NEB: variants seen among roughly 807,000 people sequenced by gnomAD.
NEB encodes nemaline myopathy type 2.
NEB carries 512 observed loss-of-function variants against 952.2 expected under a neutral mutation model. The observed-to-expected ratio is 0.54, with a 90% CI of 0.50 to 0.58. The LOEUF (loss-of-function observed/expected upper bound fraction) is 0.58. Ranked by LOEUF, NEB falls within the 20% of genes least tolerant of loss-of-function variation. The pLI, the probability that NEB is intolerant of heterozygous loss-of-function variation, is 0.00. For synonymous variants in NEB, 2,900 were observed against 3,149.8 expected, an observed-to-expected ratio of 0.92 and a Z score of 2.66; for missense variants, 8,428 against 9,231.1, an observed-to-expected ratio of 0.91 and a Z score of 3.56.
intron 32 of NEB, among the ~76,000 whole-genome samples, chr2:151,679,205 C>A (rs2148560745): frequency 6.6e-6 from 1 of 152,152 alleles, no homozygotes; most frequent in Middle Eastern, 3.4e-3. Context: ...AGCAAAATGA[C>A]TTCAGTTCAC....
chr2:151,639,003 A>G (rs1002844400), intron 63 of NEB, among the ~76,000 whole-genome samples: 1 of 152,194 alleles, frequency 6.6e-6, no homozygotes, highest in African/African-American at 2.4e-5. Context: ...GTCAATTGCT[A>G]ATATCCTAAC....
intron 71 of NEB, among the ~76,000 whole-genome samples, chr2:151,624,909 A>C (rs1171784578): frequency 1.3e-5 from 2 of 152,220 alleles, no homozygotes; most frequent in African/African-American, 4.8e-5. Flanking sequence ...TCATAAAAGA[A>C]TGTATTTTAT....
In NEB at chr2:151,618,331, T is replaced by C. The variant is rs779293162; in HGVS notation, c.11020A>G (p.Ile3674Val). Residue 3674 changes from isoleucine (I) to valine (V), a missense_variant, in exon 74 of 182, where the codon ATA (isoleucine) becomes GTA (valine). Coordinates refer to ENST00000397345, the MANE Select transcript of NEB (RefSeq NM_001164508.2). ...AGCACCTGCTCCGGAGTGTCCGTTA[T>C]ACTGGTAAATTTCAGCGTTTCTGGA... Reference protein sequence around the residue: ...QRPETLKFTSITDTPEQVLAK... With the variant: ...QRPETLKFTSVTDTPEQVLAK... 18 of 1,613,900 alleles carry C rather than the reference T, an allele frequency of 1.1e-5. No homozygotes were observed. The highest frequency in any genetic ancestry group is 1.4e-5 in the Non-Finnish European group (16 of 1,179,874).
intron 171 of NEB, 57 bp downstream of exon 171, chr2:151,497,569 C>T: frequency 6.5e-7 from 1 of 1,534,922 alleles, no homozygotes; most frequent in Non-Finnish European, 8.8e-7. Context: ...TATTTTAAAT[C>T]ATGAAAGTTT....
chr2:151,502,890 G>GAGAT lies in NEB; in HGVS notation c.23836-9_23836-6dup, dbSNP rs773113491. 2.3e-5 allele frequency: 35 copies of GAGAT among 1,545,976 alleles called. No individual in the cohort carries two copies. The highest frequency in any genetic ancestry group is 3.0e-5 in the Non-Finnish European group (34 of 1,124,708). ...CAAATTTTCTTTGTACAAAACCTGT[G>GAGAT]AGATACAAGAAAGTACCCAGAGGAC... On this transcript the variant is annotated splice_polypyrimidine_tract_variant and splice_region_variant and intron_variant, in intron 166 of 181. Coordinates refer to ENST00000397345, the MANE Select transcript of NEB (RefSeq NM_001164508.2).
chr2:151,690,907 A>G (rs2099544081), intron 23 of NEB, 82 bp from the exon 24 acceptor site: 2 of 995,406 alleles, frequency 2.0e-6, no homozygotes, highest in Non-Finnish European at 1.6e-6. Flanking sequence ...GTTCCAGGTC[A>G]AAACAGAGTT....
At chr2:151,506,564 C>T (rs1328892184) in intron 163 of NEB, among the ~76,000 whole-genome samples, 2 of 152,094 alleles carry the variant, frequency 1.3e-5, no homozygotes, top group East Asian at 3.9e-4. Context: ...ACACAAAATC[C>T]ATTAAAGAAA....
chr2:151,623,198 A>T (rs2098451958), intron 71 of NEB, among the ~76,000 whole-genome samples: 1 of 152,206 alleles, frequency 6.6e-6, no homozygotes, highest in South Asian at 2.1e-4. Flanking sequence ...TTTAATCTTT[A>T]ATTTCACTTT....
intron 63 of NEB, among the ~76,000 whole-genome samples, chr2:151,637,303 A>G (rs796786805): frequency 4.6e-5 from 7 of 152,312 alleles, no homozygotes; most frequent in African/African-American, 1.7e-4. Context: ...CTAAGGTGGC[A>G]TCAAGTGCAG....
intron 29 of NEB, 79 bp from the exon 30 acceptor site, chr2:151,680,907 T>A: frequency 8.4e-7 from 1 of 1,183,666 alleles, no homozygotes; most frequent in Non-Finnish European, 1.3e-6. Context: ...GAAATTTATT[T>A]TGAAGCGAAA....
rs2099016014 is a variant in NEB, at chr2:151,650,208, G to T, written c.7399C>A (p.Leu2467Met). ...CTATTTTTGGCATTTGTCTTTGCCA[G>T]AACTATATCCATGGCATCAGGAATG... ...TSIPDAMDIV[L>M]AKTNAKNRSD... The change falls in exon 54 of 182, where the codon CTG becomes ATG. Residue 2467 changes from leucine to methionine, a missense_variant. This residue lies in a region of NEB where 1,772 missense variants were observed against 1,960.3 expected (regional missense o/e 0.90). Transcript: ENST00000397345. 1.9e-6 allele frequency: 3 copies of T among 1,613,766 alleles called. No homozygotes were observed. Among genetic ancestry groups the T allele is most frequent in the Non-Finnish European group, 2.5e-6 (3 of 1,179,836 alleles).
chr2:151,492,757 A>G (rs1001637479), intron 176 of NEB: 1 of 281,732 alleles, frequency 3.5e-6, no homozygotes, highest in African/African-American at 2.2e-5. Flanking sequence ...AAAGAGAGTG[A>G]CCTCTTGAAA....
chr2:151,727,751 A>G lies in NEB; in HGVS notation c.234T>C (p.Pro78=). Residue 78 remains proline (P), a synonymous_variant, in exon 5 of 182, where the codon CCT becomes CCC. Transcript: ENST00000397345. ...RRKVIRKKVD[P]SKFMTPYIAH... ...CAATGTAGGGGGTCATGAACTTTGA[A>G]GGATCCACTTTCTTCCGGATGACCT... The G allele has an allele frequency of 6.2e-7, 1 of 1,613,694 alleles. No individual in the cohort carries two copies. The highest frequency in any genetic ancestry group is 1.1e-5 in the South Asian group (1 of 91,078).
chr2:151,496,480 G>T, intron 172 of NEB, 112 bp from the exon 173 acceptor site: 1 of 1,464,348 alleles, frequency 6.8e-7, no homozygotes, highest in Non-Finnish European at 9.2e-7. Context: ...CGTCCAAGGA[G>T]CCAGAAGTTA....
chr2:151,731,226 T>G lies in NEB; in HGVS notation c.37-1570A>C, dbSNP rs186670134. Reference sequence around the variant, plus strand: ...TGGTAAATCCATCTTAGAAATACGCTTATAAAAGAGGCAACATTATTTAAA... The same window carrying G: ...TGGTAAATCCATCTTAGAAATACGCGTATAAAAGAGGCAACATTATTTAAA... On this transcript the variant is annotated intron_variant, in intron 3 of 181. Coordinates refer to ENST00000397345, the MANE Select transcript of NEB (RefSeq NM_001164508.2). 2.6e-5 allele frequency among the ~76,000 whole-genome samples: 4 copies of G among 152,320 alleles called. No individual in the cohort carries two copies. In the East Asian group the frequency reaches 7.7e-4, roughly 29 times the overall value.
In NEB at chr2:151,570,179, T is replaced by C. The variant is rs1407658859; in HGVS notation, c.17332A>G (p.Ser5778Gly). The change falls in exon 109 of 182, where the codon AGT (serine) becomes GGT (glycine). Residue 5778 changes from serine (S) to glycine (G), a missense_variant. Ser to Gly is a moderately conservative substitution (Grantham distance 56, BLOSUM62 0). Transcript: ENST00000397345. ...AGGTAATTGCGGTAATCCATGTCAC[T>C]GACCAGAGCCTGGGAATTTTTAGAG... Reference protein sequence around the residue: ...LHSKNSQALVSDMDYRNYLHQ... With the variant: ...LHSKNSQALVGDMDYRNYLHQ... 1 of 1,613,700 alleles carries C rather than the reference T, an allele frequency of 6.2e-7. No individual in the cohort carries two copies. The highest frequency in any genetic ancestry group is 1.7e-5 in the Admixed American group (1 of 59,994).
rs566341488 is a variant in NEB, at chr2:151,489,534, G to A, written c.25404+437C>T. ...CCACCTCAACTTCCTCAGTAGCTGG[G>A]GCTATAGATGCACCACCACACCTGG... On this transcript the variant is annotated intron_variant, in intron 181 of 181. Transcript: ENST00000397345. Among the ~76,000 whole-genome samples the A allele has an allele frequency of 1.2e-4, 19 of 152,122 alleles. No homozygotes were observed. In the East Asian group the frequency reaches 3.5e-3, roughly 28 times the overall value.
At chr2:151,614,238 T>TC (rs1480230232) in intron 77 of NEB, 38 bp downstream of exon 77, 2 of 1,597,808 alleles carry the variant, frequency 1.3e-6, no homozygotes, top group Non-Finnish European at 1.7e-6. Flanking sequence ...TTAGAATGCT[T>TC]TTCTAAACCA....
intron 109 of NEB, 122 bp from the exon 110 acceptor site, chr2:151,569,494 A>G: frequency 1.3e-6 from 1 of 747,058 alleles, no homozygotes; most frequent in Non-Finnish European, 2.4e-6. Flanking sequence ...GACATACTCA[A>G]GCAGCCACGC....
Sources: gnomAD v4.1 joint callset for allele counts (sites outside exome capture counted in the v4.1 genomes callset) on GRCh38, gnomAD v4.1.1 for gene constraint, gnomAD v4.1.1 regional missense constraint, MANE v1.5 for transcripts, NCBI Gene and HGNC (gene_info 2026-07-23, HGNC 2026-07-21) for gene names.